Variants in PTPRE observed in about 807,000 individuals in gnomAD.
PTPRE encodes receptor-type tyrosine-protein phosphatase epsilon.
A neutral mutation model predicts 102.0 loss-of-function variants in PTPRE; 51 were observed. That is an observed-to-expected ratio of 0.50 (90% CI 0.40 to 0.63). The LOEUF is 0.63. Ranked by LOEUF, PTPRE falls within the 30% of genes least tolerant of loss-of-function variation. PTPRE has a pLI of 0.00. For synonymous variants in PTPRE, 345 were observed against 348.2 expected, an observed-to-expected ratio of 0.99 and a Z score of 0.10; for missense variants, 752 against 915.1, an observed-to-expected ratio of 0.82 and a Z score of 2.30.
chr10:128,077,831 A>ACC, intron 19 of PTPRE, 48 bp downstream of exon 19: 1 of 1,535,968 alleles, frequency 6.5e-7, no homozygotes, highest in Non-Finnish European at 8.8e-7. Context: ...CACAGGCTGC[A>ACC]CCCCCCCAGT....
At position 127,939,257 on chromosome 10, in the gene PTPRE, G is replaced by A. The variant is rs142392394; in HGVS notation, c.-31+31948G>A. Among the ~76,000 whole-genome samples, 1,130 of 152,204 alleles carry A rather than the reference G, an allele frequency of 7.4e-3. 6 individuals carry two copies. The highest frequency in any genetic ancestry group is 0.019 in the African/African-American group (783 of 41,534). Reference sequence around the variant, plus strand: ...TTACTAATAAAAGGGAATCATTCCCGCAGTTAAAGAATTCATCTTGGAATC... The same window carrying A: ...TTACTAATAAAAGGGAATCATTCCCACAGTTAAAGAATTCATCTTGGAATC... On this transcript the variant is annotated intron_variant, in intron 1 of 20. Coordinates refer to ENST00000254667, the MANE Select transcript of PTPRE (RefSeq NM_006504.6).
At chr10:127,949,423 G>C (rs1030402285) in intron 1 of PTPRE, among the ~76,000 whole-genome samples, 2 of 152,078 alleles carry the variant, frequency 1.3e-5, no homozygotes, top group African/African-American at 4.8e-5. Flanking sequence ...AACCTGTTTA[G>C]AACTAAAAAT....
At chr10:127,998,286 CAAAGA>C (rs1853487939) in intron 2 of PTPRE, 1 of 152,132 alleles carries the variant, frequency 6.6e-6, no homozygotes, top group Non-Finnish European at 1.5e-5. Flanking sequence ...TCGAAGTCAC[CAAAGA>C]AAGCAAAGCA....
chr10:128,034,963 G>A (rs532933810), intron 2 of PTPRE, among the ~76,000 whole-genome samples: 2 of 152,186 alleles, frequency 1.3e-5, no homozygotes, highest in South Asian at 4.2e-4. Flanking sequence ...AATACAAAAA[G>A]GTTTTTTTCT....
intron 12 of PTPRE, 37 bp downstream of exon 12, chr10:128,068,323 G>A (rs765238824): frequency 3.8e-6 from 6 of 1,585,502 alleles, no homozygotes; most frequent in Non-Finnish European, 8.6e-7. Flanking sequence ...ACCCTCAAGG[G>A]CAGGCCACAG....
chr10:127,978,381 A>G (rs1335947628), intron 1 of PTPRE, among the ~76,000 whole-genome samples: 1 of 151,954 alleles, frequency 6.6e-6, no homozygotes, highest in Non-Finnish European at 1.5e-5. Flanking sequence ...TCTACAAAAA[A>G]TACAAAATTA....
chr10:127,941,460 G>T (rs906496436), intron 1 of PTPRE, among the ~76,000 whole-genome samples: 1 of 152,228 alleles, frequency 6.6e-6, no homozygotes, highest in South Asian at 2.1e-4. Flanking sequence ...CACCTATCCC[G>T]GCCACAGGGG....
intron 19 of PTPRE, 36 bp from the exon 20 acceptor site, chr10:128,079,524 G>A (rs778247464): frequency 3.6e-5 from 58 of 1,603,742 alleles, no homozygotes; most frequent in Admixed American, 1.0e-4. Context: ...CCAAGTGCAA[G>A]TCGGATGATC....
Position 128,070,690 on chromosome 10 carries a change from G to T in PTPRE, c.1294-118G>T, listed in dbSNP as rs1476338409. 2.4e-6 allele frequency: 3 copies of T among 1,243,670 alleles called. No individual in the cohort carries two copies. The highest frequency in any genetic ancestry group is 1.9e-4 in the Middle Eastern group (1 of 5,150). 77.0% of individuals were successfully genotyped at this position (1,243,670 alleles called of 1,614,324 possible). Reference sequence around the variant, plus strand: ...TCCCAATGCTAAGGAGGCTTCCTGGGTTGGAGAGTGGTTTCCTTTGAGCAG... The same window carrying T: ...TCCCAATGCTAAGGAGGCTTCCTGGTTTGGAGAGTGGTTTCCTTTGAGCAG... On this transcript the variant is annotated intron_variant, in intron 14 of 20. Transcript: ENST00000254667. This position sits in a 1 kb window ranked among gnomAD's most constrained non-coding sequence, Gnocchi z 4.8.
At chr10:127,962,999 G>T (rs1211897821) in intron 1 of PTPRE, among the ~76,000 whole-genome samples, 2 of 152,150 alleles carry the variant, frequency 1.3e-5, no homozygotes, top group African/African-American at 4.8e-5. Context: ...TGGAAACCTG[G>T]GTCTATAGGC....
chr10:128,027,716 T>C (rs1440970429), intron 2 of PTPRE, among the ~76,000 whole-genome samples: 1 of 152,198 alleles, frequency 6.6e-6, no homozygotes, highest in Non-Finnish European at 1.5e-5. Context: ...CATGAATGGA[T>C]GGGCCTTGAA....
chr10:127,957,024 G>T (rs200530406), intron 1 of PTPRE, among the ~76,000 whole-genome samples: 1 of 151,990 alleles, frequency 6.6e-6, no homozygotes, highest in Non-Finnish European at 1.5e-5. Context: ...TCTGTGGCTT[G>T]TCTTCTCATT....
chr10:128,068,404 G>A, intron 12 of PTPRE, 118 bp downstream of exon 12: 1 of 1,181,774 alleles, frequency 8.5e-7, no homozygotes, highest in Admixed American at 2.6e-5. Context: ...GGGCAGGGCT[G>A]ATGTGAACAC....
At chr10:128,018,549 G>A (rs1043671956) in intron 2 of PTPRE, among the ~76,000 whole-genome samples, 2 of 152,196 alleles carry the variant, frequency 1.3e-5, no homozygotes, top group Admixed American at 6.5e-5. Flanking sequence ...GCAGGAGGCG[G>A]TGTTGGCCGA....
chr10:128,040,836 T>G, intron 2 of PTPRE, 39 bp from the exon 3 acceptor site: 1 of 1,545,162 alleles, frequency 6.5e-7, no homozygotes, highest in Non-Finnish European at 8.9e-7. Context: ...CCACAGCTGC[T>G]GCTGGATGAC....
chr10:127,937,059 T>G (rs1589776686), intron 1 of PTPRE, among the ~76,000 whole-genome samples: 1 of 152,150 alleles, frequency 6.6e-6, no homozygotes, highest in African/African-American at 2.4e-5. Flanking sequence ...TTCCATTCCC[T>G]GCAGATCTAA....
chr10:128,004,223 G>A (rs908745444), intron 2 of PTPRE, among the ~76,000 whole-genome samples: 3 of 151,268 alleles, frequency 2.0e-5, no homozygotes, highest in Admixed American at 6.6e-5. Context: ...CCAGGCTGAG[G>A]AGGGTGCCCT....
At chr10:127,918,001 C>G (rs1298379498) in intron 1 of PTPRE, among the ~76,000 whole-genome samples, 4 of 151,990 alleles carry the variant, frequency 2.6e-5, no homozygotes, top group Non-Finnish European at 5.9e-5. Context: ...CTGCACTCAG[C>G]CTGGGTGACA....
intron 6 of PTPRE, among the ~76,000 whole-genome samples, chr10:128,050,481 A>C (rs1848488176): frequency 6.6e-6 from 1 of 152,054 alleles, no homozygotes; most frequent in African/African-American, 2.4e-5. Flanking sequence ...GGATGGATGG[A>C]TGGATGGATG....
Sources: allele counts gnomAD v4.1 joint callset (sites outside exome capture counted in the v4.1 genomes callset), GRCh38; gene constraint gnomAD v4.1.1; non-coding constraint Gnocchi (gnomAD v3.1); transcripts MANE v1.5; gene names NCBI Gene and HGNC (gene_info 2026-07-23, HGNC 2026-07-21).